The following FIRRM variants were observed in gnomAD, a reference collection of about 807,000 sequenced individuals.
The protein encoded by FIRRM is FIGNL1 interacting regulator of recombination and mitosis, also known as FIGNL1-interacting regulator of recombination and mitosis.
At chr1:169,817,618 T>C in the FIRRM span, among the ~76,000 whole-genome samples, 2 of 152,220 alleles carry the variant, frequency 1.3e-5, no homozygotes, top group Non-Finnish European at 2.9e-5. Context: ...GTTTCACCTT[T>C]GCACTAGTGT....
the FIRRM span, chr1:169,795,044 C>A: frequency 1.5e-6 from 2 of 1,372,196 alleles, no homozygotes; most frequent in Non-Finnish European, 2.0e-6. Flanking sequence ...GGCGGGACTG[C>A]GAGTTTCCGG....
At chr1:169,804,137 C>T in the FIRRM span, 16 of 1,587,744 alleles carry the variant, frequency 1.0e-5, no homozygotes, top group Non-Finnish European at 1.4e-5. Context: ...AGGCTCTTTT[C>T]AAGGAGGCCT....
At chr1:169,799,530 T>C in the FIRRM span, among the ~76,000 whole-genome samples, 1 of 152,164 alleles carries the variant, frequency 6.6e-6, no homozygotes, top group Admixed American at 6.5e-5. Context: ...AATTTGAATC[T>C]ACGTTGTGTA....
chr1:169,793,905 GAA>G, the FIRRM span: 6,596 of 215,984 alleles, frequency 0.031, no homozygotes, highest in Middle Eastern at 0.042. Context: ...GCTCTGGAAA[GAA>G]AAAAAAAAAA....
At chr1:169,823,487 A>G in the FIRRM span, 17 of 1,557,484 alleles carry the variant, frequency 1.1e-5, no homozygotes, top group African/African-American at 2.0e-4. Context: ...GAAGAATGCC[A>G]TATGATTATT....
At chr1:169,793,631 T>G in the FIRRM span, 1 of 1,614,114 alleles carries the variant, frequency 6.2e-7, no homozygotes, top group Non-Finnish European at 8.5e-7. Context: ...CAAAGCTCCA[T>G]CTCTAATGGG....
the FIRRM span, among the ~76,000 whole-genome samples, chr1:169,797,600 G>A: frequency 6.6e-6 from 1 of 152,148 alleles, no homozygotes; most frequent in Non-Finnish European, 1.5e-5. Flanking sequence ...TGTCACCCAG[G>A]CTGGAGTGCA....
the FIRRM span, among the ~76,000 whole-genome samples, chr1:169,805,494 G>A: frequency 3.9e-5 from 6 of 152,076 alleles, no homozygotes; most frequent in East Asian, 1.9e-4. Flanking sequence ...ATTGTCCCCC[G>A]GGCCACAGCA....
At chr1:169,842,588 A>G in the FIRRM span, 968 of 1,594,226 alleles carry the variant, frequency 6.1e-4, 1 homozygote, top group Admixed American at 1.1e-3. Context: ...GAAAATATCA[A>G]AAAAAGAGGA....
chr1:169,801,886 C>T, the FIRRM span, among the ~76,000 whole-genome samples: 2 of 152,096 alleles, frequency 1.3e-5, no homozygotes, highest in Non-Finnish European at 2.9e-5. Flanking sequence ...TGATGATTCT[C>T]TATCTGAAAT....
At chr1:169,832,775 T>TA in the FIRRM span, among the ~76,000 whole-genome samples, 1 of 151,956 alleles carries the variant, frequency 6.6e-6, no homozygotes, top group Non-Finnish European at 1.5e-5. Flanking sequence ...GGCTAATTTT[T>TA]AAAAAAATTA....
chr1:169,805,927 A>G, the FIRRM span: 75 of 770,476 alleles, frequency 9.7e-5, no homozygotes, highest in South Asian at 1.2e-3. Context: ...ATTGTTCAGT[A>G]GATAGTTTTA....
chr1:169,821,668 T>C, the FIRRM span: 4 of 1,559,274 alleles, frequency 2.6e-6, no homozygotes, highest in Admixed American at 1.9e-5. Flanking sequence ...TTATTTCCCT[T>C]TTTGGATCAG....
At chr1:169,805,932 G>GT in the FIRRM span, 1 of 831,642 alleles carries the variant, frequency 1.2e-6, no homozygotes, top group Admixed American at 2.4e-5. Flanking sequence ...TCAGTAGATA[G>GT]TTTTAATTAT....
At chr1:169,830,570 T>C in the FIRRM span, 1 of 933,460 alleles carries the variant, frequency 1.1e-6, no homozygotes, top group South Asian at 1.6e-5. Flanking sequence ...TGTGATATTA[T>C]TTGGTCATGG....
At chr1:169,795,227 G>C in the FIRRM span, 7 of 1,534,952 alleles carry the variant, frequency 4.6e-6, no homozygotes, top group African/African-American at 1.4e-5. Context: ...TCCTTCCTTG[G>C]TTGTCACTTC....
At chr1:169,788,695 G>T in the FIRRM span, among the ~76,000 whole-genome samples, 1 of 152,174 alleles carries the variant, frequency 6.6e-6, no homozygotes, top group Non-Finnish European at 1.5e-5. Flanking sequence ...GAAAAAGATA[G>T]CTACAGTATC....
At chr1:169,850,358 C>A in the FIRRM span, 1 of 1,545,196 alleles carries the variant, frequency 6.5e-7, no homozygotes. Context: ...ACTTTCTTTA[C>A]ATGGCTCATG....
At chr1:169,837,119 T>A in the FIRRM span, 1 of 1,571,988 alleles carries the variant, frequency 6.4e-7, no homozygotes, top group East Asian at 2.3e-5. Context: ...TCTGGTAAGA[T>A]AATAATTTTG....
Sources: gnomAD v4.1 joint callset for allele counts (sites outside exome capture counted in the v4.1 genomes callset) on GRCh38, gnomAD v4.1.1 for gene constraint, MANE v1.5 for transcripts, NCBI Gene and HGNC (gene_info 2026-07-23, HGNC 2026-07-21) for gene names.